The following UGT1A8 variants were observed in gnomAD, a reference collection of about 807,000 sequenced individuals.
The protein encoded by UGT1A8 is UDP glucuronosyltransferase family 1 member A8.
UGT1A8 carries 39 observed loss-of-function variants against 45.3 expected under a neutral mutation model. The observed-to-expected ratio is 0.86, with a 90% CI of 0.67 to 1.12. The LOEUF is 1.12. Ranked by LOEUF, UGT1A8 falls within the 50% of genes most tolerant of loss-of-function variation. The pLI, the probability that UGT1A8 is intolerant of heterozygous loss-of-function variation, is 0.00. For synonymous variants in UGT1A8, 275 were observed against 249.2 expected, an observed-to-expected ratio of 1.10 and a Z score of -0.97; for missense variants, 719 against 664.9, an observed-to-expected ratio of 1.08 and a Z score of -0.90.
At chr2:233,712,952 A>G (rs1036580894) in intron 1 of UGT1A8, 10 of 1,612,796 alleles carry the variant, frequency 6.2e-6, no homozygotes, top group Non-Finnish European at 7.6e-6. Flanking sequence ...AGGAGGCACA[A>G]CGTGGGGTGG....
At chr2:233,693,316 C>T in intron 1 of UGT1A8, 2 of 1,614,156 alleles carry the variant, frequency 1.2e-6, no homozygotes, top group Non-Finnish European at 1.7e-6. Context: ...AGCGATCATT[C>T]CTAACTGCTC....
intron 1 of UGT1A8, among the ~76,000 whole-genome samples, chr2:233,656,340 G>T (rs2073852822): frequency 6.6e-6 from 1 of 152,186 alleles, no homozygotes; most frequent in South Asian, 2.1e-4. Flanking sequence ...CCAGTCACTG[G>T]TCTTCTTACC....
chr2:233,645,805 C>T (rs1302845559), intron 1 of UGT1A8, among the ~76,000 whole-genome samples: 1 of 152,160 alleles, frequency 6.6e-6, no homozygotes, highest in East Asian at 1.9e-4. Flanking sequence ...GTGGCTTTTC[C>T]AGGTGCACAG....
chr2:233,663,119 A>G (rs1428408458), intron 1 of UGT1A8, among the ~76,000 whole-genome samples: 1 of 152,098 alleles, frequency 6.6e-6, no homozygotes, highest in African/African-American at 2.4e-5. Flanking sequence ...CTTGGGACCC[A>G]TTAAACAATA....
At chr2:233,739,499 A>T (rs927597154) in intron 1 of UGT1A8, among the ~76,000 whole-genome samples, 8 of 152,214 alleles carry the variant, frequency 5.3e-5, no homozygotes, top group African/African-American at 1.4e-4. Context: ...CATCACCTTG[A>T]TCTAGATGTG....
intron 1 of UGT1A8, among the ~76,000 whole-genome samples, chr2:233,638,232 T>C (rs1001709360): frequency 6.6e-6 from 1 of 152,180 alleles, no homozygotes. Context: ...TTTCACTATA[T>C]AAGCATTTTA....
At chr2:233,737,732 C>A (rs569109147) in intron 1 of UGT1A8, among the ~76,000 whole-genome samples, 1 of 151,490 alleles carries the variant, frequency 6.6e-6, no homozygotes, top group African/African-American at 2.4e-5. Flanking sequence ...TTTTTTTTTC[C>A]TTTTCTCTTC....
At chr2:233,760,745 T>A (rs1697549301) in intron 1 of UGT1A8, 1 of 1,614,020 alleles carries the variant, frequency 6.2e-7, no homozygotes, top group Non-Finnish European at 8.5e-7. Flanking sequence ...ACGGACCCTT[T>A]CCTTCCTTGC....
chr2:233,715,654 C>G, intron 1 of UGT1A8, among the ~76,000 whole-genome samples: 1 of 152,044 alleles, frequency 6.6e-6, no homozygotes, highest in East Asian at 1.9e-4. Context: ...CACCTGTGGT[C>G]CCAGCTACTC....
intron 1 of UGT1A8, chr2:233,713,315 G>A (rs1559359231): frequency 1.9e-6 from 3 of 1,614,100 alleles, no homozygotes; most frequent in Admixed American, 1.7e-5. Context: ...ATCTTCTGAT[G>A]AAATTTTCTA....
Position 233,772,354 on chromosome 2 carries a change from T to C in UGT1A8, c.1388T>C (p.Met463Thr). 1 of 1,614,252 alleles carries C rather than the reference T, an allele frequency of 6.2e-7. No individual in the cohort carries two copies. The highest frequency in any genetic ancestry group is 8.5e-7 in the Non-Finnish European group (1 of 1,180,050). ...GCCGTGTTCTGGGTGGAGTTTGTGATGAGGCACAAGGGCGCGCCACACCTG... is the reference window on the plus strand; with the variant it reads ...GCCGTGTTCTGGGTGGAGTTTGTGACGAGGCACAAGGGCGCGCCACACCTG... ...DLAVFWVEFV[M>T]RHKGAPHLRP... Residue 463 changes from methionine to threonine, a missense_variant, in exon 5 of 5, where the codon ATG becomes ACG. Transcript: ENST00000373450.
At chr2:233,668,059 A>ATT (rs34354669) in intron 1 of UGT1A8, among the ~76,000 whole-genome samples, 66 of 151,368 alleles carry the variant, frequency 4.4e-4, no homozygotes, top group South Asian at 2.1e-3. Context: ...TACTGTGCAC[A>ATT]TTTTTTTTTA....
chr2:233,730,746 G>A (rs1030553021), intron 1 of UGT1A8, among the ~76,000 whole-genome samples: 3 of 152,110 alleles, frequency 2.0e-5, no homozygotes, highest in Non-Finnish European at 2.9e-5. Context: ...GGCTAGGGAG[G>A]AGATAAGACT....
At chr2:233,712,026 T>G (rs2076211157) in intron 1 of UGT1A8, among the ~76,000 whole-genome samples, 1 of 152,232 alleles carries the variant, frequency 6.6e-6, no homozygotes, top group Non-Finnish European at 1.5e-5. Context: ...CAGAACTTGG[T>G]GCTGGATTGA....
At chr2:233,731,452 C>A (rs2078164427) in intron 1 of UGT1A8, among the ~76,000 whole-genome samples, 1 of 152,066 alleles carries the variant, frequency 6.6e-6, no homozygotes. Context: ...CACCCCACAA[C>A]AGGCCCTGGC....
At chr2:233,755,106 A>C in intron 1 of UGT1A8, 1 of 1,334,076 alleles carries the variant, frequency 7.5e-7, no homozygotes, top group Non-Finnish European at 1.0e-6. Flanking sequence ...GTCCGACAAC[A>C]CCTCGTAGGC....
intron 1 of UGT1A8, among the ~76,000 whole-genome samples, chr2:233,678,214 C>G (rs2074412044): frequency 6.6e-6 from 1 of 152,168 alleles, no homozygotes. Flanking sequence ...GGGTACTATG[C>G]TCAGTACTTG....
At chr2:233,630,271 A>C (rs1435196956) in intron 1 of UGT1A8, among the ~76,000 whole-genome samples, 1 of 152,148 alleles carries the variant, frequency 6.6e-6, no homozygotes, top group Non-Finnish European at 1.5e-5. Flanking sequence ...GTGACTAAGC[A>C]AATGTCTAGT....
Position 233,768,272 on chromosome 2 carries a change from T to C in UGT1A8, c.1128T>C (p.Tyr376=). Residue 376 remains tyrosine, a synonymous_variant, in exon 4 of 5, where the codon TAT becomes TAC. Transcript: ENST00000373450. ...FITHAGSHGV[Y]ESICNGVPMV... ...CCCATGCTGGTTCCCATGGTGTTTATGAAAGCATATGCAATGGCGTTCCCA... is the reference window on the plus strand; with the variant it reads ...CCCATGCTGGTTCCCATGGTGTTTACGAAAGCATATGCAATGGCGTTCCCA... 1 of 1,614,214 alleles carries C rather than the reference T, an allele frequency of 6.2e-7. No homozygotes were observed. The highest frequency in any genetic ancestry group is 2.2e-5 in the East Asian group (1 of 44,870).
Sources: allele counts gnomAD v4.1 joint callset (sites outside exome capture counted in the v4.1 genomes callset), GRCh38; gene constraint gnomAD v4.1.1; transcripts MANE v1.5; gene names NCBI Gene and HGNC (gene_info 2026-07-23, HGNC 2026-07-21).